The following HASPIN variants were observed in gnomAD, a reference collection of about 807,000 sequenced individuals.
HASPIN encodes the protein histone H3 associated protein kinase.
Under a neutral mutation model 28.8 loss-of-function variants are expected in HASPIN, and 24 were observed. The ratio of observed to expected loss-of-function variants is 0.83; its 90% CI spans 0.60 to 1.17. The LOEUF (loss-of-function observed/expected upper bound fraction) is 1.17, where lower values mean the gene tolerates loss of function less well. Ranked by LOEUF, HASPIN falls within the 50% of genes most tolerant of loss-of-function variation. The probability of loss-of-function intolerance (pLI) is 0.00; values close to 1 mark genes in which losing one functional copy is unlikely to be tolerated. For missense variants in HASPIN, 1,016 were observed against 1,018.5 expected (o/e 1.00, Z 0.03); for synonymous variants, 440 against 413.1 (o/e 1.07, Z -0.79).
rs545708847 is a variant in HASPIN at position 3,724,576 on chromosome 17, G to A, written c.641G>A (p.Arg214Gln). The A allele has an allele frequency of 1.4e-5, 23 of 1,614,158 alleles. No individual in the cohort carries two copies. The highest frequency in any genetic ancestry group is 2.2e-5 in the East Asian group (1 of 44,886). Residue 214 changes from arginine (R) to glutamine (Q), a missense_variant, in exon 1 of 1, where the codon CGA becomes CAA. Transcript: ENST00000325418. ...GLHLPEVSLD[R>Q]ASLPCSQEEA... ...CACCTCCCAGAAGTCTCCCTGGACC[G>A]AGCATCTCTCCCCTGCTCCCAGGAG...
Position 3,725,274 on chromosome 17 carries a change from T to G in HASPIN, c.1339T>G (p.Leu447Val), listed in dbSNP as rs1213913104. 1.9e-6 allele frequency: 3 copies of G among 1,614,194 alleles called. No homozygotes were observed. Among genetic ancestry groups the G allele is most frequent in the Admixed American group, 1.7e-5 (1 of 60,024 alleles). ...HSSSMYLLSP[L>V]NTLSISNKKA... Reference sequence around the variant, plus strand: ...CTCCTCTATGTATTTGCTAAGCCCCTTAAACACTCTAAGTATTTCAAACAA... The same window carrying G: ...CTCCTCTATGTATTTGCTAAGCCCCGTAAACACTCTAAGTATTTCAAACAA... Residue 447 changes from leucine to valine, a missense_variant, in exon 1 of 1, where the codon TTA becomes GTA. Physicochemically the swap from Leu to Val is conservative, Grantham distance 32. Transcript: ENST00000325418.
chr17:3,725,184 C>T lies in HASPIN; in HGVS notation c.1249C>T (p.Leu417=), dbSNP rs61747720. 5.2e-4 allele frequency: 841 copies of T among 1,614,210 alleles called. 6 individuals are homozygous for T. In the African/African-American group the frequency reaches 9.5e-3, roughly 18 times the overall value. Residue 417 remains leucine, a synonymous_variant, in exon 1 of 1, where the codon CTA becomes TTA. Transcript: ENST00000325418. ...TTATSLSGSL[L]SECSNRPVMN... ...TGCCACTTCTCTCTCTGGATCCCTC[C>T]TATCAGAATGTTCAAACCGGCCTGT...
Position 3,724,792 on chromosome 17 carries a change from T to A in HASPIN, c.857T>A (p.Leu286Gln), listed in dbSNP as rs1191422172. ...VVGNGPEGPG[L>Q]SSTGKRRATG... ...GGAAATGGACCAGAGGGTCCAGGTC[T>A]GTCAAGCACAGGCAAGAGGAGGGCC... The change falls in exon 1 of 1, where the codon CTG becomes CAG. Residue 286 changes from leucine to glutamine, a missense_variant. Coordinates refer to ENST00000325418, the MANE Select transcript of HASPIN (RefSeq NM_031965.2). The A allele has an allele frequency of 1.2e-6, 2 of 1,614,044 alleles. No homozygotes were observed. The highest frequency in any genetic ancestry group is 1.7e-6 in the Non-Finnish European group (2 of 1,180,026).
At position 3,725,305 on chromosome 17, in the gene HASPIN, C is replaced by T. The variant is rs146360364; in HGVS notation, c.1370C>T (p.Ala457Val). The T allele has an allele frequency of 4.6e-5, 75 of 1,614,210 alleles. No individual in the cohort carries two copies. The highest frequency in any genetic ancestry group is 1.6e-4 in the Middle Eastern group (1 of 6,062). ...ACTCTAAGTATTTCAAACAAAAAGGCATCTGATGCTGAAAAGGTTTATGGG... is the reference window on the plus strand; with the variant it reads ...ACTCTAAGTATTTCAAACAAAAAGGTATCTGATGCTGAAAAGGTTTATGGG... ...LNTLSISNKK[A>V]SDAEKVYGEC... Residue 457 changes from alanine (A) to valine (V), a missense_variant, in exon 1 of 1, where the codon GCA becomes GTA. By Grantham distance (64) the Ala-to-Val change is moderately conservative. Around this residue, in one of 3 missense-constraint regions of HASPIN, gnomAD observed 881 missense variants for 845.5 expected, o/e 1.04. Transcript: ENST00000325418.
In HASPIN at chr17:3,724,933, G is replaced by T; in HGVS notation, c.998G>T (p.Arg333Ile). 1 of 1,613,772 alleles carries T rather than the reference G, an allele frequency of 6.2e-7. No individual in the cohort carries two copies. The highest frequency in any genetic ancestry group is 8.5e-7 in the Non-Finnish European group (1 of 1,179,854). ...CCAAGGGGAATAGACAGGCTGGAGA[G>T]AACTAGATCAAGCCGGAAGAGCAAA... ...IVPRGIDRLE[R>I]TRSSRKSKHQ... is the part of the protein sequence containing the mutation. Residue 333 changes from arginine to isoleucine, a missense_variant, in exon 1 of 1, where the codon AGA (arginine) becomes ATA (isoleucine). Arg to Ile is a moderately conservative substitution (Grantham distance 97). Around this residue, in one of 3 missense-constraint regions of HASPIN, gnomAD observed 881 missense variants for 845.5 expected, o/e 1.04. Coordinates refer to ENST00000325418, the MANE Select transcript of HASPIN (RefSeq NM_031965.2).
In HASPIN at chr17:3,724,233, C is replaced by G; in HGVS notation, c.298C>G (p.Arg100Gly). 1.3e-6 allele frequency: 2 copies of G among 1,593,660 alleles called. No individual in the cohort carries two copies. The highest frequency in any genetic ancestry group is 1.7e-6 in the Non-Finnish European group (2 of 1,177,408). ...GCCCAGCCTGACCGTGACCCCAAAG[C>G]GCTGGAAGCTGCGAGCTCGCCCAAG... ...DRPSLTVTPK[R>G]WKLRARPSLT... The change falls in exon 1 of 1, where the codon CGC becomes GGC. Residue 100 changes from arginine to glycine, a missense_variant. Arg to Gly is a moderately radical substitution (Grantham distance 125). Around this residue, in one of 3 missense-constraint regions of HASPIN, gnomAD observed 881 missense variants for 845.5 expected, o/e 1.04. Coordinates refer to ENST00000325418, the MANE Select transcript of HASPIN (RefSeq NM_031965.2).
chr17:3,725,454 C>T lies in HASPIN; in HGVS notation c.1519C>T (p.Pro507Ser). 6.2e-7 allele frequency: 1 copy of T among 1,614,208 alleles called. No homozygotes were observed. Among genetic ancestry groups the T allele is most frequent in the Non-Finnish European group, 8.5e-7 (1 of 1,180,034 alleles). ...EVFQTIADHT[P>S]VAIKIIAIEG... ...GTTTCAAACAATTGCTGATCACACA[C>T]CCGTAGCCATAAAAATCATTGCTAT... The change falls in exon 1 of 1, where the codon CCC becomes TCC. Residue 507 changes from proline to serine, a missense_variant. Physicochemically the swap from Pro to Ser is moderately conservative, Grantham distance 74. Transcript: ENST00000325418.
chr17:3,725,805 A>G lies in HASPIN; in HGVS notation c.1870A>G (p.Thr624Ala). The G allele has an allele frequency of 6.2e-7, 1 of 1,610,426 alleles. No individual in the cohort carries two copies. The highest frequency in any genetic ancestry group is 8.5e-7 in the Non-Finnish European group (1 of 1,177,834). Residue 624 changes from threonine to alanine, a missense_variant, in exon 1 of 1, where the codon ACT becomes GCT. Thr to Ala is a moderately conservative substitution (Grantham distance 58). Around this residue, in one of 3 missense-constraint regions of HASPIN, gnomAD observed 881 missense variants for 845.5 expected, o/e 1.04. Transcript: ENST00000325418. ...GCGAACCAAGTTGTCTTCCTTGGCT[A>G]CTGCAAAGAGCATTCTACACCAGCT... ...QMRTKLSSLATAKSILHQLTA... is the reference protein window; with the variant it reads ...QMRTKLSSLAAAKSILHQLTA...
In HASPIN at chr17:3,726,626, A is replaced by G; in HGVS notation, c.*294A>G. 1 of 343,032 alleles carries G rather than the reference A, an allele frequency of 2.9e-6. No individual in the cohort carries two copies. The highest frequency in any genetic ancestry group is 5.0e-5 in the East Asian group (1 of 20,044). The allele number at this position is 343,032 out of a possible 1,614,324, so 21.2% of individuals were successfully genotyped here. Reference sequence around the variant, plus strand: ...GAGGATCGCTTGAGCCCAAGAGTTCATATCTAGCCTGGTCAACATAGCAAG... The same window carrying G: ...GAGGATCGCTTGAGCCCAAGAGTTCGTATCTAGCCTGGTCAACATAGCAAG... On this transcript the variant is annotated 3_prime_UTR_variant, in exon 1 of 1. Transcript: ENST00000325418.
Position 3,724,548 on chromosome 17 carries a change from C to T in HASPIN, c.613C>T (p.Leu205Phe). 1.9e-6 allele frequency: 3 copies of T among 1,614,158 alleles called. No individual in the cohort carries two copies. Among genetic ancestry groups the T allele is most frequent in the African/African-American group, 1.3e-5 (1 of 75,056 alleles). Residue 205 changes from leucine (L) to phenylalanine (F), a missense_variant, in exon 1 of 1, where the codon CTC (leucine) becomes TTC (phenylalanine). Leu to Phe is a conservative substitution (Grantham distance 22). Transcript: ENST00000325418. ...TGCAGCCTCAGCCGTCCCGAGCGGC[C>T]TCCACCTCCCAGAAGTCTCCCTGGA... ...LVAASAVPSG[L>F]HLPEVSLDRA...
In HASPIN at chr17:3,726,065, G is replaced by C; in HGVS notation, c.2130G>C (p.Leu710=). The change falls in exon 1 of 1, where the codon CTG becomes CTC. Residue 710 remains leucine (L), a synonymous_variant. Coordinates refer to ENST00000325418, the MANE Select transcript of HASPIN (RefSeq NM_031965.2). ...GTGACGTTTCCATGGATGAGGACCT[G>C]TTTACCGGTGACGGTGACTACCAGT... ...VFCDVSMDED[L]FTGDGDYQFD... The C allele has an allele frequency of 6.2e-7, 1 of 1,614,180 alleles. No homozygotes were observed. The highest frequency in any genetic ancestry group is 8.5e-7 in the Non-Finnish European group (1 of 1,180,026).
chr17:3,724,779 G>A lies in HASPIN; in HGVS notation c.844G>A (p.Glu282Lys), dbSNP rs750144271. Residue 282 changes from glutamate to lysine, a missense_variant, in exon 1 of 1, where the codon GAG becomes AAG. This residue lies in a region of HASPIN where 881 missense variants were observed against 845.5 expected (regional missense o/e 1.04). Transcript: ENST00000325418. ...GAAACTGGTGGTGGGAAATGGACCA[G>A]AGGGTCCAGGTCTGTCAAGCACAGG... ...KRKLVVGNGP[E>K]GPGLSSTGKR... 29 of 1,613,992 alleles carry A rather than the reference G, an allele frequency of 1.8e-5. No individual in the cohort carries two copies. The highest frequency in any genetic ancestry group is 2.5e-5 in the Non-Finnish European group (29 of 1,179,930).
Position 3,724,958 on chromosome 17 carries a change from A to G in HASPIN, c.1023A>G (p.Lys341=), listed in dbSNP as rs1403331049. The G allele has an allele frequency of 6.2e-7, 1 of 1,614,008 alleles. No homozygotes were observed. Among genetic ancestry groups the G allele is most frequent in the African/African-American group, 1.3e-5 (1 of 74,916 alleles). ...LERTRSSRKS[K]HQEATETSLL... ...GAACTAGATCAAGCCGGAAGAGCAA[A>G]CATCAGGAGGCAACGGAAACCTCTC... The change falls in exon 1 of 1, where the codon AAA becomes AAG. Residue 341 remains lysine (K), a synonymous_variant. Transcript: ENST00000325418.
At position 3,726,014 on chromosome 17, in the gene HASPIN, G is replaced by C; in HGVS notation, c.2079G>C (p.Leu693Phe). The change falls in exon 1 of 1, where the codon TTG (leucine) becomes TTC (phenylalanine). Residue 693 changes from leucine to phenylalanine, a missense_variant. By Grantham distance (22) the Leu-to-Phe change is conservative. Coordinates refer to ENST00000325418, the MANE Select transcript of HASPIN (RefSeq NM_031965.2). Reference sequence around the variant, plus strand: ...TCATTGACTACACCCTGTCGCGCTTGGAACGGGATGGGATTGTGGTTTTCT... The same window carrying C: ...TCATTGACTACACCCTGTCGCGCTTCGAACGGGATGGGATTGTGGTTTTCT... ...VSIIDYTLSR[L>F]ERDGIVVFCD... The C allele has an allele frequency of 3.7e-6, 6 of 1,614,078 alleles. No individual in the cohort carries two copies. The highest frequency in any genetic ancestry group is 5.1e-6 in the Non-Finnish European group (6 of 1,180,040).
rs906481188 is a variant in HASPIN at position 3,726,664 on chromosome 17, A to AT, written c.*339dup. The AT allele has an allele frequency of 4.8e-4, 106 of 222,446 alleles. No individual in the cohort carries two copies. The highest frequency in any genetic ancestry group is 2.4e-3 in the African/African-American group (104 of 43,778). The allele number at this position is 222,446 out of a possible 1,614,324, so 13.8% of individuals were successfully genotyped here. On this transcript the variant is annotated 3_prime_UTR_variant, in exon 1 of 1. Coordinates refer to ENST00000325418, the MANE Select transcript of HASPIN (RefSeq NM_031965.2). ...TCAACATAGCAAGACCCCTGTCTCT[A>AT]TTTTTTTAAATAAATAAACTACATG...
At position 3,724,139 on chromosome 17, in the gene HASPIN, C is replaced by G. The variant is rs2143007964; in HGVS notation, c.204C>G (p.Asp68Glu). The G allele has an allele frequency of 1.7e-5, 27 of 1,595,286 alleles. No individual in the cohort carries two copies. The highest frequency in any genetic ancestry group is 2.2e-5 in the South Asian group (2 of 90,654). The stretch of plus-strand genomic sequence containing the variant: ...CCGACGATCCTGACGATCCCGACGA[C>G]CCCGACTTCCCCGGCAGCCCGGTGA... The part of the protein sequence containing the change: ...SQSDDPDDPD[D>E]PDFPGSPVRR... The change falls in exon 1 of 1, where the codon GAC (aspartate) becomes GAG (glutamate). Residue 68 changes from aspartate (D) to glutamate (E), a missense_variant. Asp to Glu is a conservative substitution (Grantham distance 45). Coordinates refer to ENST00000325418, the MANE Select transcript of HASPIN (RefSeq NM_031965.2).
Position 3,724,546 on chromosome 17 carries a change from G to A in HASPIN, c.611G>A (p.Gly204Asp), listed in dbSNP as rs220462. Residue 204 changes from glycine (G) to aspartate (D), a missense_variant, in exon 1 of 1, where the codon GGC (glycine) becomes GAC (aspartate). Around this residue, in one of 3 missense-constraint regions of HASPIN, gnomAD observed 881 missense variants for 845.5 expected, o/e 1.04. Transcript: ENST00000325418. Reference sequence around the variant, plus strand: ...GTTGCAGCCTCAGCCGTCCCGAGCGGCCTCCACCTCCCAGAAGTCTCCCTG... The same window carrying A: ...GTTGCAGCCTCAGCCGTCCCGAGCGACCTCCACCTCCCAGAAGTCTCCCTG... Reference protein sequence around the residue: ...CLVAASAVPSGLHLPEVSLDR... With the variant: ...CLVAASAVPSDLHLPEVSLDR... 0.32 allele frequency: 513,317 copies of A among 1,613,796 alleles called. 87,063 individuals are homozygous for A. The highest frequency in any genetic ancestry group is 0.5 in the South Asian group (45,320 of 91,064).
In HASPIN at chr17:3,723,963, A is replaced by T; in HGVS notation, c.28A>T (p.Ser10Cys). The T allele has an allele frequency of 6.4e-7, 1 of 1,570,944 alleles. No individual in the cohort carries two copies. The highest frequency in any genetic ancestry group is 8.6e-7 in the Non-Finnish European group (1 of 1,158,276). Residue 10 changes from serine to cysteine, a missense_variant, in exon 1 of 1, where the codon AGC (serine) becomes TGC (cysteine). Ser to Cys is a moderately radical substitution (Grantham distance 112). This residue lies in a region of HASPIN where 881 missense variants were observed against 845.5 expected (regional missense o/e 1.04). Transcript: ENST00000325418. MAASLPGPG[S>C]RLFRTYGAAD... ...GGCGGCTTCGCTCCCGGGACCTGGG[A>T]GCCGGCTTTTCCGCACATATGGGGC...
In HASPIN at chr17:3,723,927, G is replaced by A. The variant is rs764660611; in HGVS notation, c.-9G>A. 2 of 1,544,644 alleles carry A rather than the reference G, an allele frequency of 1.3e-6. No individual in the cohort carries two copies. The highest frequency in any genetic ancestry group is 2.8e-5 in the African/African-American group (2 of 72,114). On this transcript the variant is annotated 5_prime_UTR_variant, in exon 1 of 1. It adds an upstream start codon to the 5' untranslated region. Coordinates refer to ENST00000325418, the MANE Select transcript of HASPIN (RefSeq NM_031965.2). ...TGTTTGCGTTTGAACCTCTTGGCGG[G>A]TGCCGGCCATGGCGGCTTCGCTCCC...
Sources: gnomAD v4.1 joint callset for allele counts on GRCh38, gnomAD v4.1.1 for gene constraint, gnomAD v4.1.1 regional missense constraint, MANE v1.5 for transcripts, NCBI Gene and HGNC (gene_info 2026-07-23, HGNC 2026-07-21) for gene names.